Variants in FNIP1 observed in about 807,000 individuals in gnomAD.
The protein encoded by FNIP1 is folliculin-interacting protein 1.
Under a neutral mutation model 124.5 loss-of-function variants are expected in FNIP1, and 40 were observed. That is an observed-to-expected ratio of 0.32 (90% CI 0.25 to 0.42). FNIP1 has a LOEUF of 0.42. Among genes scored for constraint, FNIP1 ranks in the 10% least tolerant of loss-of-function variants. The pLI, the probability that FNIP1 is intolerant of heterozygous loss-of-function variation, is 1.00. For synonymous variants in FNIP1, 472 were observed against 470.6 expected, an observed-to-expected ratio of 1.00 and a Z score of -0.04; for missense variants, 1,176 against 1,403.7, an observed-to-expected ratio of 0.84 and a Z score of 2.59.
In FNIP1 at chr5:131,787,488, G is replaced by A. The variant is rs1469312314; in HGVS notation, c.92+9342C>T. ...AAGTCCATCACACCAGCTACAACTTGATAAAAGGCTGATAAGCCAAACTGA... is the reference window on the plus strand; with the variant it reads ...AAGTCCATCACACCAGCTACAACTTAATAAAAGGCTGATAAGCCAAACTGA... On this transcript the variant is annotated intron_variant, in intron 1 of 17. Coordinates refer to ENST00000510461, the MANE Select transcript of FNIP1 (RefSeq NM_133372.3). Among the ~76,000 whole-genome samples the A allele has an allele frequency of 3.3e-5, 5 of 152,298 alleles. No homozygotes were observed. In the East Asian group the frequency reaches 9.6e-4, roughly 29 times the overall value.
At chr5:131,701,019 A>AGT (rs1306026162) in intron 10 of FNIP1, among the ~76,000 whole-genome samples, 1 of 152,226 alleles carries the variant, frequency 6.6e-6, no homozygotes, top group Non-Finnish European at 1.5e-5. Context: ...GCCGTGGACC[A>AGT]GTACCCGTCA....
At chr5:131,700,446 TTAAA>T in intron 10 of FNIP1, among the ~76,000 whole-genome samples, 1 of 150,326 alleles carries the variant, frequency 6.7e-6, no homozygotes, top group African/African-American at 2.5e-5. Flanking sequence ...TACAAAGTGA[TTAAA>T]TATTGTTTAA....
chr5:131,647,556 T>A (rs1332692782), intron 16 of FNIP1, among the ~76,000 whole-genome samples: 1 of 152,052 alleles, frequency 6.6e-6, no homozygotes, highest in African/African-American at 2.4e-5. Context: ...TCACTGCAAC[T>A]TCCGCCTCCC....
intron 15 of FNIP1, among the ~76,000 whole-genome samples, chr5:131,657,451 C>T (rs780393074): frequency 6.6e-5 from 10 of 152,080 alleles, no homozygotes; most frequent in Non-Finnish European, 1.2e-4. Context: ...CCCCTAAACA[C>T]ATCTCTAACT....
chr5:131,787,930 C>T (rs374838728), intron 1 of FNIP1, among the ~76,000 whole-genome samples: 32 of 152,196 alleles, frequency 2.1e-4, no homozygotes, highest in African/African-American at 7.5e-4. Context: ...GCTAGGATTG[C>T]GCCACTGAAC....
At chr5:131,741,377 T>C (rs908082051) in intron 2 of FNIP1, among the ~76,000 whole-genome samples, 4 of 152,202 alleles carry the variant, frequency 2.6e-5, no homozygotes, top group African/African-American at 7.2e-5. Flanking sequence ...TATTTGAGCA[T>C]GCAAAGTACT....
chr5:131,782,393 C>A (rs1160548722), intron 1 of FNIP1, among the ~76,000 whole-genome samples: 5 of 151,642 alleles, frequency 3.3e-5, no homozygotes, highest in African/African-American at 1.2e-4. Flanking sequence ...TACCAAAAAA[C>A]AAAAAAACAA....
At chr5:131,690,338 T>C (rs1768436497) in intron 11 of FNIP1, among the ~76,000 whole-genome samples, 1 of 152,236 alleles carries the variant, frequency 6.6e-6, no homozygotes, top group African/African-American at 2.4e-5. Context: ...GGTTAGGCTT[T>C]GTGTCCCTAC....
intron 2 of FNIP1, among the ~76,000 whole-genome samples, chr5:131,737,200 T>G (rs1770341294): frequency 6.6e-6 from 1 of 152,228 alleles, no homozygotes; most frequent in Non-Finnish European, 1.5e-5. Context: ...TGTTGTTGAC[T>G]GCACCTTGTC....
At chr5:131,682,325 C>T (rs1768115591) in intron 11 of FNIP1, among the ~76,000 whole-genome samples, 1 of 152,108 alleles carries the variant, frequency 6.6e-6, no homozygotes, top group Non-Finnish European at 1.5e-5. Flanking sequence ...ATTATATATG[C>T]TATGGCCTCA....
intron 17 of FNIP1, among the ~76,000 whole-genome samples, chr5:131,645,309 CAA>C (rs34663555): frequency 4.5e-5 from 6 of 132,448 alleles, no homozygotes; most frequent in Non-Finnish European, 4.7e-5. Context: ...GACCCTGTCT[CAA>C]AAAAAAAAAA....
intron 1 of FNIP1, among the ~76,000 whole-genome samples, chr5:131,764,707 T>C (rs1771360398): frequency 6.6e-6 from 1 of 152,092 alleles, no homozygotes; most frequent in African/African-American, 2.4e-5. Flanking sequence ...AGAACATCTA[T>C]ACGCATTTGA....
chr5:131,729,793 T>A (rs768016597), intron 3 of FNIP1, among the ~76,000 whole-genome samples: 6 of 152,046 alleles, frequency 3.9e-5, no homozygotes, highest in Admixed American at 2.0e-4. Flanking sequence ...TTACCCAGGC[T>A]GTAGTGCAAT....
At chr5:131,674,174 C>T (rs757133372) in intron 13 of FNIP1, among the ~76,000 whole-genome samples, 31 of 152,312 alleles carry the variant, frequency 2.0e-4, no homozygotes, top group Non-Finnish European at 3.8e-4. Flanking sequence ...TTTCCCCTTC[C>T]ATTCCCTAGA....
At chr5:131,748,117 T>C (rs1488450551) in intron 1 of FNIP1, among the ~76,000 whole-genome samples, 3 of 151,938 alleles carry the variant, frequency 2.0e-5, no homozygotes, top group Non-Finnish European at 4.4e-5. Context: ...GTGGGGATAG[T>C]AGAGAGTAAA....
intron 1 of FNIP1, among the ~76,000 whole-genome samples, chr5:131,762,232 A>AAAACAGAC (rs1359327941): frequency 6.6e-6 from 1 of 152,192 alleles, no homozygotes; most frequent in East Asian, 1.9e-4. Flanking sequence ...AATTAAAGTG[A>AAAACAGAC]AAACAGACAA....
At chr5:131,657,522 T>A (rs1001265973) in intron 15 of FNIP1, among the ~76,000 whole-genome samples, 13 of 151,974 alleles carry the variant, frequency 8.6e-5, no homozygotes, top group Non-Finnish European at 2.9e-5. Context: ...AAAATGATTG[T>A]CAGTGCTATG....
chr5:131,663,569 T>G (rs546340782), intron 15 of FNIP1, among the ~76,000 whole-genome samples: 81 of 152,342 alleles, frequency 5.3e-4, no homozygotes, highest in African/African-American at 1.7e-3. Flanking sequence ...TCTTCAAAGT[T>G]TATATATTTA....
intron 2 of FNIP1, among the ~76,000 whole-genome samples, chr5:131,736,704 T>C (rs923966976): frequency 2.0e-5 from 3 of 152,244 alleles, no homozygotes; most frequent in African/African-American, 7.2e-5. Context: ...CAATGCAAGA[T>C]TCTCAACTGG....
Sources: gnomAD v4.1 joint callset for allele counts (sites outside exome capture counted in the v4.1 genomes callset) on GRCh38, gnomAD v4.1.1 for gene constraint, MANE v1.5 for transcripts, NCBI Gene and HGNC (gene_info 2026-07-23, HGNC 2026-07-21) for gene names.